The following DOK6 variants were observed in gnomAD, a reference collection of about 807,000 sequenced individuals.
DOK6 encodes the protein downstream of tyrosine kinase 6.
In DOK6, 22 loss-of-function variants were observed where a neutral mutation model predicts 44.0. That is an observed-to-expected ratio of 0.50 (90% CI 0.36 to 0.71). The LOEUF (loss-of-function observed/expected upper bound fraction) is 0.71, where lower values mean the gene tolerates loss of function less well. Among genes scored for constraint, DOK6 ranks in the 30% least tolerant of loss-of-function variants. The probability of loss-of-function intolerance (pLI) is 0.00; values close to 1 mark genes in which losing one functional copy is unlikely to be tolerated. For missense variants in DOK6, 340 were observed against 416.4 expected, an observed-to-expected ratio of 0.82 and a Z score of 1.60; for synonymous variants, 166 against 145.5, an observed-to-expected ratio of 1.14 and a Z score of -1.01.
chr18:69,486,917 T>G (rs1980591787), intron 1 of DOK6, among the ~76,000 whole-genome samples: 1 of 152,220 alleles, frequency 6.6e-6, no homozygotes, highest in African/African-American at 2.4e-5. Context: ...ATTTTCCTGT[T>G]TGACATTTTA....
intron 1 of DOK6, among the ~76,000 whole-genome samples, chr18:69,414,103 C>A (rs1259576122): frequency 6.6e-6 from 1 of 151,972 alleles, no homozygotes; most frequent in Non-Finnish European, 1.5e-5. Context: ...TGACACGAAT[C>A]CAGAGAAGCT....
chr18:69,679,358 G>GA (rs997099275), intron 4 of DOK6, among the ~76,000 whole-genome samples: 3 of 152,140 alleles, frequency 2.0e-5, no homozygotes, highest in Non-Finnish European at 4.4e-5. Context: ...TTGCTAAAAT[G>GA]AAAAAAGTTT....
At chr18:69,800,124 G>A (rs549868858) in intron 7 of DOK6, among the ~76,000 whole-genome samples, 6 of 151,376 alleles carry the variant, frequency 4.0e-5, no homozygotes, top group Non-Finnish European at 7.4e-5. Flanking sequence ...GAGCCATTCA[G>A]TTTGGCTTAT....
At chr18:69,789,663 G>A (rs1980535186) in intron 7 of DOK6, among the ~76,000 whole-genome samples, 1 of 151,996 alleles carries the variant, frequency 6.6e-6, no homozygotes, top group South Asian at 2.1e-4. Context: ...AAACATTCTT[G>A]GCAGTATTTC....
intron 7 of DOK6, among the ~76,000 whole-genome samples, chr18:69,788,584 CAG>C (rs1158016607): frequency 6.6e-6 from 1 of 152,134 alleles, no homozygotes; most frequent in Non-Finnish European, 1.5e-5. Flanking sequence ...ACTTAACGAA[CAG>C]AGAGTAAAGC....
intron 7 of DOK6, among the ~76,000 whole-genome samples, chr18:69,828,828 A>T (rs2145130550): frequency 7.1e-6 from 1 of 139,898 alleles, no homozygotes; most frequent in East Asian, 2.2e-4. Flanking sequence ...GAGATAAACA[A>T]AAAAGAACCA....
chr18:69,415,368 CT>C, intron 1 of DOK6, among the ~76,000 whole-genome samples: 1 of 151,994 alleles, frequency 6.6e-6, no homozygotes, highest in Non-Finnish European at 1.5e-5. Context: ...TCTTAATTCT[CT>C]CATGAAACTC....
Position 69,533,360 on chromosome 18 carries a change from G to C in DOK6, c.67-31127G>C, listed in dbSNP as rs149072261. ...ATTATCCCCCAAAAAATTATTTTTA[G>C]TGTGGCTTGTCATGTCCTCTATAAT... On this transcript the variant is annotated intron_variant, in intron 1 of 7. Transcript: ENST00000382713. Among the ~76,000 whole-genome samples, 640 of 152,092 alleles carry C rather than the reference G, an allele frequency of 4.2e-3. 7 individuals carry two copies. The highest frequency in any genetic ancestry group is 9.5e-3 in the East Asian group (49 of 5,184).
chr18:69,537,001 A>ATTATTG (rs1982142257), intron 1 of DOK6, among the ~76,000 whole-genome samples: 1 of 148,802 alleles, frequency 6.7e-6, no homozygotes, highest in Admixed American at 6.7e-5. Flanking sequence ...TATTATTATT[A>ATTATTG]TTATTATTTT....
intron 1 of DOK6, among the ~76,000 whole-genome samples, chr18:69,408,114 C>G (rs1415060470): frequency 6.6e-6 from 1 of 152,124 alleles, no homozygotes; most frequent in Non-Finnish European, 1.5e-5. Flanking sequence ...GTGTTTGTGT[C>G]TACAAACCTA....
At chr18:69,717,324 G>A (rs915567704) in intron 5 of DOK6, among the ~76,000 whole-genome samples, 1 of 151,848 alleles carries the variant, frequency 6.6e-6, no homozygotes, top group African/African-American at 2.4e-5. Flanking sequence ...TTCTCAGTGG[G>A]TAAAACACAA....
intron 1 of DOK6, among the ~76,000 whole-genome samples, chr18:69,499,928 T>C (rs1981000674): frequency 6.6e-6 from 1 of 152,184 alleles, no homozygotes; most frequent in African/African-American, 2.4e-5. Context: ...TCCTGAATGC[T>C]AACATTTTTC....
intron 7 of DOK6, among the ~76,000 whole-genome samples, chr18:69,827,283 T>G (rs1981768304): frequency 6.6e-6 from 1 of 152,224 alleles, no homozygotes; most frequent in Non-Finnish European, 1.5e-5. Flanking sequence ...TGCTACTACT[T>G]GCCATTTGGA....
At chr18:69,704,627 C>T (rs143744549) in intron 5 of DOK6, among the ~76,000 whole-genome samples, 2,445 of 152,002 alleles carry the variant, frequency 0.016, 61 homozygotes, top group African/African-American at 0.055. Flanking sequence ...TACAGGCGCC[C>T]GCCACCATGC....
chr18:69,505,669 T>C (rs188192570), intron 1 of DOK6, among the ~76,000 whole-genome samples: 4 of 151,934 alleles, frequency 2.6e-5, no homozygotes, highest in Non-Finnish European at 5.9e-5. Flanking sequence ...AGCTAATTTT[T>C]GTATTTTTAG....
At chr18:69,531,636 C>T (rs1436735670) in intron 1 of DOK6, among the ~76,000 whole-genome samples, 4 of 152,098 alleles carry the variant, frequency 2.6e-5, no homozygotes, top group South Asian at 2.1e-4. Flanking sequence ...CCTCATTGTA[C>T]GTTCATTCCT....
chr18:69,637,732 CTCTCT>C (rs1443371683), intron 3 of DOK6, among the ~76,000 whole-genome samples: 6 of 46,366 alleles, frequency 1.3e-4, no homozygotes, highest in Non-Finnish European at 4.3e-4. Context: ...ATAATATTCT[CTCTCT>C]TTTTTTTTAA....
intron 3 of DOK6, among the ~76,000 whole-genome samples, chr18:69,606,258 G>T: frequency 6.7e-6 from 1 of 148,466 alleles, no homozygotes; most frequent in African/African-American, 2.5e-5. Flanking sequence ...GGCAACAAGA[G>T]CGAAACTCCA....
chr18:69,801,390 T>G (rs1019516255), intron 7 of DOK6, among the ~76,000 whole-genome samples: 1 of 152,232 alleles, frequency 6.6e-6, no homozygotes, highest in Non-Finnish European at 1.5e-5. Context: ...TTAATTAATT[T>G]TTAATGAATA....
Sources: allele counts gnomAD v4.1 joint callset (sites outside exome capture counted in the v4.1 genomes callset), GRCh38; gene constraint gnomAD v4.1.1; transcripts MANE v1.5; gene names NCBI Gene and HGNC (gene_info 2026-07-23, HGNC 2026-07-21).